Variants in SLC16A7 observed in about 807,000 individuals in gnomAD.
The protein encoded by SLC16A7 is solute carrier family 16 member 7.
Under a neutral mutation model 34.9 loss-of-function variants are expected in SLC16A7, and 33 were observed. The ratio of observed to expected loss-of-function variants is 0.94; its 90% CI spans 0.72 to 1.26. The LOEUF (loss-of-function observed/expected upper bound fraction) is 1.26, where lower values mean the gene tolerates loss of function less well. SLC16A7 is among the 50% of genes most tolerant of loss of function. SLC16A7 has a pLI of 0.00. For missense variants in SLC16A7, 573 were observed against 578.1 expected (o/e 0.99, Z 0.09); for synonymous variants, 201 against 206.6 (o/e 0.97, Z 0.23).
intron 2 of SLC16A7, among the ~76,000 whole-genome samples, chr12:59,663,965 T>C (rs536820879): frequency 6.6e-6 from 1 of 152,208 alleles, no homozygotes; most frequent in East Asian, 1.9e-4. Flanking sequence ...TAAATAATTG[T>C]ATCTTTCACA....
chr12:59,776,686 A>C (rs1005568777), intron 5 of SLC16A7, among the ~76,000 whole-genome samples: 4 of 149,394 alleles, frequency 2.7e-5, no homozygotes, highest in African/African-American at 9.8e-5. Context: ...TTGTCTCTTC[A>C]TTTTTTTTTC....
intron 3 of SLC16A7, among the ~76,000 whole-genome samples, chr12:59,756,186 C>T (rs1484383628): frequency 6.6e-6 from 1 of 152,056 alleles, no homozygotes; most frequent in East Asian, 1.9e-4. Flanking sequence ...CCATTCAGGA[C>T]ATAGTCATGG....
chr12:59,709,306 A>G (rs1873947530), intron 3 of SLC16A7, among the ~76,000 whole-genome samples: 3 of 151,568 alleles, frequency 2.0e-5, no homozygotes. Flanking sequence ...TTTTATGTGA[A>G]TAGTGACGGC....
At chr12:59,632,598 T>G (rs1240279862) in intron 1 of SLC16A7, among the ~76,000 whole-genome samples, 2 of 151,964 alleles carry the variant, frequency 1.3e-5, no homozygotes, top group Admixed American at 6.6e-5. Flanking sequence ...CTTCTGTGCC[T>G]TGCCCTAGTC....
At position 59,704,903 on chromosome 12, in the gene SLC16A7, T is replaced by A; in HGVS notation, c.102T>A (p.Tyr34Ter). The change falls in exon 3 of 6, where the codon TAT (tyrosine) becomes TAA (stop). Residue 34 changes from tyrosine (Y) to a stop codon, truncating the protein, a stop_gained. Coordinates refer to ENST00000547379, the MANE Select transcript of SLC16A7 (RefSeq NM_001270623.2). LOFTEE classifies it high-confidence loss of function. Reference sequence around the variant, plus strand: ...CTTTTATCTCCATTGGATTTTCCTATGCATTCCCCAAAGCTGTCACCGTAT... The same window carrying A: ...CTTTTATCTCCATTGGATTTTCCTAAGCATTCCCCAAAGCTGTCACCGTAT... Reference protein sequence around the residue: ...GAAFISIGFSYAFPKAVTVFF... With the variant: ...GAAFISIGFS 1.2e-6 allele frequency: 2 copies of A among 1,613,674 alleles called. No individual in the cohort carries two copies. Among genetic ancestry groups the A allele is most frequent in the Non-Finnish European group, 1.7e-6 (2 of 1,179,640 alleles).
chr12:59,715,813 C>T (rs143454990), intron 3 of SLC16A7, among the ~76,000 whole-genome samples: 4 of 152,220 alleles, frequency 2.6e-5, no homozygotes, highest in African/African-American at 7.2e-5. Flanking sequence ...GTGAAATTAC[C>T]GCATTTCTTA....
At chr12:59,694,724 CTA>C (rs927745291) in intron 2 of SLC16A7, among the ~76,000 whole-genome samples, 1 of 151,964 alleles carries the variant, frequency 6.6e-6, no homozygotes, top group African/African-American at 2.4e-5. Context: ...TTCTCTGCTT[CTA>C]TGTTTCCTCA....
chr12:59,705,917 A>C (rs906548099), intron 3 of SLC16A7, among the ~76,000 whole-genome samples: 1 of 152,162 alleles, frequency 6.6e-6, no homozygotes, highest in African/African-American at 2.4e-5. Flanking sequence ...TTAGTCATGA[A>C]AATATAACAT....
In SLC16A7 at chr12:59,709,993, C is replaced by A. The variant is rs1173128435; in HGVS notation, c.217+4975C>A. On this transcript the variant is annotated intron_variant, in intron 3 of 5. Coordinates refer to ENST00000547379, the MANE Select transcript of SLC16A7 (RefSeq NM_001270623.2). ...CTACAGTTATATAGACTATACTGAT[C>A]ATTACAAACATGAGGGCTTGGTTTA... Among the ~76,000 whole-genome samples the A allele has an allele frequency of 2.0e-5, 3 of 151,598 alleles. No homozygotes were observed. In the East Asian group the frequency reaches 5.8e-4, roughly 29 times the overall value.
chr12:59,615,095 A>C (rs1043308260), intron 1 of SLC16A7, among the ~76,000 whole-genome samples: 1 of 152,110 alleles, frequency 6.6e-6, no homozygotes, highest in African/African-American at 2.4e-5. Flanking sequence ...CAGCCATTTC[A>C]GGACGCAATG....
chr12:59,713,006 CTTTTCTTTTT>C (rs1244611441), intron 3 of SLC16A7, among the ~76,000 whole-genome samples: 41 of 151,566 alleles, frequency 2.7e-4, no homozygotes, highest in African/African-American at 9.7e-4. Context: ...CTTTTCTTTT[CTTTTCTTTTT>C]TTTTCTTTTC....
At position 59,739,253 on chromosome 12, in the gene SLC16A7, C is replaced by G. The variant is rs1877998334; in HGVS notation, c.218-31966C>G. 5.3e-5 allele frequency among the ~76,000 whole-genome samples: 7 copies of G among 131,860 alleles called. No individual in the cohort carries two copies. The South Asian group carries it at 1.7e-3, about 32-fold the overall frequency. The allele number at this position is 131,860 out of a possible 152,430, so 86.5% of individuals were successfully genotyped here. A position where few individuals can be genotyped will look rare whatever the true frequency, so the allele number is the denominator to read the frequency against. ...GTTCCCCTTCCTGTGTCCATATGTT[C>G]TCATTGTTCAATTCCCACCTATGAG... On this transcript the variant is annotated intron_variant, in intron 3 of 5. Transcript: ENST00000547379.
chr12:59,707,029 G>A (rs1331182388), intron 3 of SLC16A7, among the ~76,000 whole-genome samples: 9 of 152,024 alleles, frequency 5.9e-5, no homozygotes, highest in African/African-American at 2.2e-4. Flanking sequence ...TTCAAAAAGT[G>A]GCTATTCCAT....
At chr12:59,755,709 C>T (rs1206880707) in intron 3 of SLC16A7, among the ~76,000 whole-genome samples, 1 of 152,134 alleles carries the variant, frequency 6.6e-6, no homozygotes, top group Non-Finnish European at 1.5e-5. Context: ...TCAATGCCAT[C>T]CCCATCAAGC....
intron 3 of SLC16A7, among the ~76,000 whole-genome samples, chr12:59,739,178 A>T (rs1000047756): frequency 3.6e-5 from 5 of 139,674 alleles, no homozygotes; most frequent in Non-Finnish European, 7.8e-5. Context: ...TATCTCCTAA[A>T]GCTATCCCTC....
chr12:59,700,861 T>G (rs190245380), intron 2 of SLC16A7, among the ~76,000 whole-genome samples: 54 of 151,860 alleles, frequency 3.6e-4, no homozygotes, highest in African/African-American at 1.3e-3. Context: ...CAGCCCCAAC[T>G]ATGACTTATT....
rs147964921 is a variant in SLC16A7, at chr12:59,635,507, A to G, written c.-129-19645A>G. ...ATATTAAAATATCCTTTACTTTACT[A>G]ATTACTTGAACACCATTTCTTCCAC... On this transcript the variant is annotated intron_variant, in intron 1 of 5. Transcript: ENST00000547379. 3.4e-3 allele frequency among the ~76,000 whole-genome samples: 510 copies of G among 152,184 alleles called. 4 individuals are homozygous for G. The highest frequency in any genetic ancestry group is 0.011 in the African/African-American group (457 of 41,548).
chr12:59,654,891 C>T (rs1310453317), intron 1 of SLC16A7, among the ~76,000 whole-genome samples: 1 of 151,708 alleles, frequency 6.6e-6, no homozygotes, highest in Non-Finnish European at 1.5e-5. Context: ...AAGGCAGGCA[C>T]AAATAAAGGC....
chr12:59,732,689 A>G (rs532259303), intron 3 of SLC16A7, among the ~76,000 whole-genome samples: 1 of 152,258 alleles, frequency 6.6e-6, no homozygotes, highest in African/African-American at 2.4e-5. Flanking sequence ...CCACATTCTG[A>G]GGGACTTCAT....
Sources: gnomAD v4.1 joint callset for allele counts (sites outside exome capture counted in the v4.1 genomes callset) on GRCh38, gnomAD v4.1.1 for gene constraint, MANE v1.5 for transcripts, NCBI Gene and HGNC (gene_info 2026-07-23, HGNC 2026-07-21) for gene names.